The following NUSAP1 variants were observed in gnomAD, a reference collection of about 807,000 sequenced individuals.
NUSAP1 encodes the protein nucleolar and spindle associated protein 1.
Under a neutral mutation model 52.8 loss-of-function variants are expected in NUSAP1, and 32 were observed. The ratio of observed to expected loss-of-function variants is 0.61; its 90% confidence interval spans 0.46 to 0.81. The LOEUF (loss-of-function observed/expected upper bound fraction) is 0.81. Ranked by LOEUF, NUSAP1 falls within the 40% of genes least tolerant of loss-of-function variation. The pLI is 0.00. For missense variants in NUSAP1, 499 were observed against 522.3 expected (o/e 0.96, Z 0.43); for synonymous variants, 195 against 183.1 (o/e 1.06, Z -0.52).
intron 7 of NUSAP1, among the ~76,000 whole-genome samples, chr15:41,366,970 C>CT (rs2049445042): frequency 6.6e-6 from 1 of 152,164 alleles, no homozygotes; most frequent in Non-Finnish European, 1.5e-5. Context: ...AATATAGTCT[C>CT]TGTGTAGTTT....
At position 41,349,198 on chromosome 15, in the gene NUSAP1, C is replaced by T. The variant is rs1479639298; in HGVS notation, c.263C>T (p.Thr88Ile). The part of the protein sequence containing the change: ...ERQPLGHVTK[T>I]RRRCKTVRVD... ...CAGCCACTTGGCCATGTCACCAAAA[C>T]AAGGAGAAGGTGCAAGACTGTCCGT... The change falls in exon 3 of 11, where the codon ACA becomes ATA. Residue 88 changes from threonine to isoleucine, a missense_variant. Coordinates refer to ENST00000559596, the MANE Select transcript of NUSAP1 (RefSeq NM_016359.5). The T allele has an allele frequency of 6.2e-7, 1 of 1,613,920 alleles. No homozygotes were observed. The highest frequency in any genetic ancestry group is 8.5e-7 in the Non-Finnish European group (1 of 1,179,846).
intron 2 of NUSAP1, among the ~76,000 whole-genome samples, chr15:41,348,182 A>G (rs541152819): frequency 8.5e-5 from 13 of 152,254 alleles, no homozygotes; most frequent in African/African-American, 3.1e-4. Context: ...AATACAAAAT[A>G]TAACTCCTGG....
At chr15:41,366,590 GTA>G (rs1432250245) in intron 7 of NUSAP1, among the ~76,000 whole-genome samples, 1 of 152,076 alleles carries the variant, frequency 6.6e-6, no homozygotes, top group Non-Finnish European at 1.5e-5. Flanking sequence ...CCGCACCCAG[GTA>G]TATGTACCTC....
At chr15:41,351,845 C>A (rs2140638465) in intron 4 of NUSAP1, 1 of 152,218 alleles carries the variant, frequency 6.6e-6, no homozygotes, top group East Asian at 1.9e-4. Context: ...AAAAAAAATT[C>A]CCATATCTAA....
intron 4 of NUSAP1, chr15:41,351,916 A>G (rs1200901803): frequency 1.3e-5 from 2 of 152,030 alleles, no homozygotes; most frequent in African/African-American, 2.4e-5. Flanking sequence ...GGGGGCCACA[A>G]TTCAACCCAT....
At chr15:41,373,772 A>G (rs1281210239) in intron 8 of NUSAP1, among the ~76,000 whole-genome samples, 1 of 151,880 alleles carries the variant, frequency 6.6e-6, no homozygotes, top group African/African-American at 2.4e-5. Flanking sequence ...TGAAGTGATA[A>G]GAGCCCTTAT....
At chr15:41,343,138 CTTCTT>C (rs1306819192) in intron 2 of NUSAP1, 1 of 152,172 alleles carries the variant, frequency 6.6e-6, no homozygotes, top group Non-Finnish European at 1.5e-5. Flanking sequence ...TCAAACTCCT[CTTCTT>C]TAAAATGGAA....
intron 2 of NUSAP1, among the ~76,000 whole-genome samples, chr15:41,347,345 T>C (rs2048613924): frequency 6.6e-6 from 1 of 152,010 alleles, no homozygotes; most frequent in East Asian, 1.9e-4. Context: ...CTCTAAAATA[T>C]TGGAAGATTT....
At chr15:41,365,041 G>A (rs909315770) in intron 6 of NUSAP1, among the ~76,000 whole-genome samples, 8 of 152,198 alleles carry the variant, frequency 5.3e-5, no homozygotes, top group Non-Finnish European at 2.9e-5. Context: ...ATGAGGTGAG[G>A]TAGTGAGGAA....
At chr15:41,341,854 C>A (rs1014358674) in intron 1 of NUSAP1, among the ~76,000 whole-genome samples, 6 of 152,212 alleles carry the variant, frequency 3.9e-5, no homozygotes, top group Non-Finnish European at 7.3e-5. Context: ...TAAAGGCTTA[C>A]AAGGCCTGGT....
chr15:41,359,968 T>TC (rs1381254398), intron 6 of NUSAP1, among the ~76,000 whole-genome samples: 1 of 151,980 alleles, frequency 6.6e-6, no homozygotes, highest in African/African-American at 2.4e-5. Context: ...TCAAACTTTT[T>TC]TTTTTTTTGA....
chr15:41,351,071 T>C lies in NUSAP1; in HGVS notation c.390T>C (p.Thr130=), dbSNP rs368868122. 3 of 1,613,706 alleles carry C rather than the reference T, an allele frequency of 1.9e-6. No individual in the cohort carries two copies. The highest frequency in any genetic ancestry group is 2.5e-6 in the Non-Finnish European group (3 of 1,179,822). ...AGGAAAGCCAGGATCTCAGAGCTAC[T>C]GCAAAAGTTCCTTCTCCACCAGACG... The part of the protein sequence containing the change: ...EKQESQDLRA[T]AKVPSPPDEH... Residue 130 remains threonine, a synonymous_variant, in exon 4 of 11, where the codon ACT becomes ACC. Transcript: ENST00000559596.
intron 4 of NUSAP1, among the ~76,000 whole-genome samples, chr15:41,352,475 C>CT (rs1468736918): frequency 6.6e-6 from 1 of 152,020 alleles, no homozygotes; most frequent in Non-Finnish European, 1.5e-5. Context: ...TTCCCTAAAA[C>CT]TTTGAGTGTC....
At chr15:41,372,125 T>C (rs1321941359) in intron 8 of NUSAP1, among the ~76,000 whole-genome samples, 1 of 152,082 alleles carries the variant, frequency 6.6e-6, no homozygotes, top group East Asian at 1.9e-4. Flanking sequence ...AATTTTACCA[T>C]AGTGTATTTT....
At chr15:41,372,020 G>A (rs1388928489) in intron 8 of NUSAP1, among the ~76,000 whole-genome samples, 1 of 151,984 alleles carries the variant, frequency 6.6e-6, no homozygotes, top group Non-Finnish European at 1.5e-5. Context: ...CGCCCGCCTC[G>A]GCCTACCAAA....
intron 1 of NUSAP1, among the ~76,000 whole-genome samples, chr15:41,338,337 G>T (rs2048246676): frequency 6.6e-6 from 1 of 152,108 alleles, no homozygotes; most frequent in Non-Finnish European, 1.5e-5. Flanking sequence ...GTATTTAAGT[G>T]CATTTTCAAC....
chr15:41,354,939 T>G (rs1026145126), intron 4 of NUSAP1, among the ~76,000 whole-genome samples: 113 of 149,726 alleles, frequency 7.5e-4, no homozygotes, highest in African/African-American at 2.7e-3. Flanking sequence ...AGAATGGCTT[T>G]AACCCGGGAG....
intron 1 of NUSAP1, among the ~76,000 whole-genome samples, chr15:41,336,649 T>TGTTTTTTGTTTTTTTTTTTTGTTTG (rs755637715): frequency 2.7e-5 from 3 of 109,410 alleles, no homozygotes. Flanking sequence ...CTCCTTTTGG[T>TGTTTTTTGTTTTTTTTTTTTGTTTG]TTTTTTTTTT....
Position 41,342,472 on chromosome 15 carries a change from T to C in NUSAP1, c.162+18T>C, listed in dbSNP as rs1168109295. 7.9e-6 allele frequency: 12 copies of C among 1,525,924 alleles called. No homozygotes were observed. The highest frequency in any genetic ancestry group is 1.4e-5 in the African/African-American group (1 of 72,344). 94.5% of individuals were successfully genotyped at this position (1,525,924 alleles called of 1,614,324 possible). On this transcript the variant is annotated intron_variant, in intron 2 of 10. Transcript: ENST00000559596. ...AGAATCAGGTGAGTAATGTTTTTCA[T>C]GTTTACCTGTTAGCTAGCAAAATAA...
Sources: allele counts gnomAD v4.1 joint callset (sites outside exome capture counted in the v4.1 genomes callset), GRCh38; gene constraint gnomAD v4.1.1; transcripts MANE v1.5; gene names NCBI Gene and HGNC (gene_info 2026-07-23, HGNC 2026-07-21).